Variants in CRB1 observed in about 807,000 individuals in gnomAD.
CRB1 encodes the protein crumbs cell polarity complex component 1, also known as protein crumbs homolog 1.
In CRB1, 83 loss-of-function variants were observed where a neutral mutation model predicts 120.0. The observed-to-expected ratio is 0.69, with a 90% CI of 0.58 to 0.83. The LOEUF is 0.83. CRB1 is among the 40% of genes least tolerant of loss of function. The probability of loss-of-function intolerance (pLI) is 0.00; values close to 1 mark genes in which losing one functional copy is unlikely to be tolerated. For missense variants in CRB1, 1,699 were observed against 1,687.6 expected (o/e 1.01, Z -0.12); for synonymous variants, 625 against 612.5 (o/e 1.02, Z -0.30).
At chr1:197,431,500 A>T (rs891419877) in intron 8 of CRB1, among the ~76,000 whole-genome samples, 19 of 152,204 alleles carry the variant, frequency 1.2e-4, no homozygotes, top group African/African-American at 4.3e-4. Context: ...TGATCTTTTG[A>T]TAGAAATACT....
intron 11 of CRB1, among the ~76,000 whole-genome samples, chr1:197,462,739 G>A (rs183306429): frequency 1.3e-4 from 20 of 152,230 alleles, no homozygotes; most frequent in Non-Finnish European, 2.2e-4. Context: ...GTAGTCAAAC[G>A]TAATCTAAGC....
chr1:197,229,295 C>T, the CRB1 span, among the ~76,000 whole-genome samples: 146,286 of 152,308 alleles, frequency 0.96, 70,301 homozygotes, highest in East Asian at 1. Context: ...ATGAGATTAG[C>T]AACATGATAT....
At chr1:197,372,848 C>T (rs1323156538) in intron 5 of CRB1, among the ~76,000 whole-genome samples, 1 of 152,122 alleles carries the variant, frequency 6.6e-6, no homozygotes, top group African/African-American at 2.4e-5. Flanking sequence ...TTAGGACCAG[C>T]CAAGTTTGCA....
At chr1:197,371,130 T>A (rs558090287) in intron 5 of CRB1, among the ~76,000 whole-genome samples, 11 of 152,306 alleles carry the variant, frequency 7.2e-5, no homozygotes, top group African/African-American at 2.6e-4. Context: ...TTGCCTCACT[T>A]ACCTTCTGTC....
chr1:197,351,187 CAAAAAAAAAAA>C (rs780090689), intron 4 of CRB1, among the ~76,000 whole-genome samples: 1 of 85,390 alleles, frequency 1.2e-5, no homozygotes. Flanking sequence ...ACTAAAAATA[CAAAAAAAAAAA>C]AAAAAAAAAA....
chr1:197,284,784 T>C (rs1420095323), intron 1 of CRB1, among the ~76,000 whole-genome samples: 1 of 151,436 alleles, frequency 6.6e-6, no homozygotes, highest in Non-Finnish European at 1.5e-5. Context: ...AATTGACAAA[T>C]AAAGTGCATA....
At chr1:197,368,167 T>C (rs1393574183) in intron 5 of CRB1, among the ~76,000 whole-genome samples, 2 of 152,236 alleles carry the variant, frequency 1.3e-5, no homozygotes, top group Non-Finnish European at 2.9e-5. Flanking sequence ...TTTTTTCATT[T>C]GCTGACTTCA....
In CRB1 at chr1:197,453,240, T is replaced by C. The variant is rs1666054256; in HGVS notation, c.4005+10948T>C. ...AGGGGGAAGTGGAAATGGGGAGATG[T>C]CATTAAATAAGTATGTGTGTATACT... On this transcript the variant is annotated intron_variant, in intron 11 of 11. Coordinates refer to ENST00000367400, the MANE Select transcript of CRB1 (RefSeq NM_201253.3). 2.7e-5 allele frequency among the ~76,000 whole-genome samples: 4 copies of C among 149,114 alleles called. No individual in the cohort carries two copies. In the South Asian group the frequency reaches 8.4e-4, roughly 31 times the overall value.
intron 4 of CRB1, among the ~76,000 whole-genome samples, chr1:197,351,696 G>A (rs755909279): frequency 4.6e-5 from 7 of 152,158 alleles, no homozygotes; most frequent in East Asian, 3.9e-4. Flanking sequence ...CTGTTTGCTA[G>A]AACGAAGACA....
chr1:197,279,514 A>AT (rs976640287), intron 1 of CRB1, among the ~76,000 whole-genome samples: 2 of 148,294 alleles, frequency 1.3e-5, no homozygotes, highest in East Asian at 2.0e-4. Context: ...ATTATATCAA[A>AT]TTTTTTTTTG....
chr1:197,347,278 T>G lies in CRB1; in HGVS notation c.849-62T>G, dbSNP rs1572514. 0.12 allele frequency: 177,096 copies of G among 1,449,296 alleles called. 20,324 individuals are homozygous for G. The highest frequency in any genetic ancestry group is 0.6 in the African/African-American group (42,739 of 71,722). 89.8% of individuals were successfully genotyped at this position (1,449,296 alleles called of 1,614,324 possible). Reference sequence around the variant, plus strand: ...GGTTGATAGACAGTTGAAGAAACAGTATAAAGATATCTGATCTCAATATGA... The same window carrying G: ...GGTTGATAGACAGTTGAAGAAACAGGATAAAGATATCTGATCTCAATATGA... On this transcript the variant is annotated intron_variant, in intron 3 of 11. Transcript: ENST00000367400.
the CRB1 span, among the ~76,000 whole-genome samples, chr1:197,251,260 A>T: frequency 1.3e-5 from 2 of 152,044 alleles, no homozygotes; most frequent in Non-Finnish European, 2.9e-5. Flanking sequence ...AATATATAAA[A>T]TACTTAAAGC....
chr1:197,288,321 T>C (rs1655955222), intron 1 of CRB1, among the ~76,000 whole-genome samples: 1 of 151,866 alleles, frequency 6.6e-6, no homozygotes, highest in East Asian at 1.9e-4. Flanking sequence ...TCATGATTTA[T>C]GAAACATTTG....
At chr1:197,225,538 T>G in the CRB1 span, among the ~76,000 whole-genome samples, 2 of 152,198 alleles carry the variant, frequency 1.3e-5, no homozygotes, top group African/African-American at 2.4e-5. Flanking sequence ...TCTCAGATAT[T>G]AATGGCCACA....
intron 11 of CRB1, chr1:197,444,239 G>C (rs1040593780): frequency 6.6e-6 from 1 of 152,188 alleles, no homozygotes; most frequent in Non-Finnish European, 1.5e-5. Flanking sequence ...TCTTGCAATA[G>C]TAATAGACAA....
chr1:197,453,964 T>A (rs1164090989), intron 11 of CRB1, among the ~76,000 whole-genome samples: 1 of 123,572 alleles, frequency 8.1e-6, no homozygotes, highest in Non-Finnish European at 1.6e-5. Context: ...TATTATTATA[T>A]TATTAATAAT....
chr1:197,476,360 ATTTGTG>A (rs1007054617), intron 11 of CRB1, among the ~76,000 whole-genome samples: 5 of 128,926 alleles, frequency 3.9e-5, no homozygotes, highest in African/African-American at 1.2e-4. Flanking sequence ...TATTATGATT[ATTTGTG>A]TGTGTGTGTG....
intron 5 of CRB1, among the ~76,000 whole-genome samples, chr1:197,420,551 T>C (rs1455181674): frequency 1.3e-5 from 2 of 152,176 alleles, no homozygotes; most frequent in African/African-American, 2.4e-5. Flanking sequence ...ATAAACAAGA[T>C]ATAAGGCAAA....
chr1:197,442,494 T>C, intron 11 of CRB1: 1 of 1,482,876 alleles, frequency 6.7e-7, no homozygotes, highest in Non-Finnish European at 8.9e-7. Flanking sequence ...TTTAGATCTC[T>C]GGGGAAGAAA....
Sources: gnomAD v4.1 joint callset for allele counts (sites outside exome capture counted in the v4.1 genomes callset) on GRCh38, gnomAD v4.1.1 for gene constraint, MANE v1.5 for transcripts, NCBI Gene and HGNC (gene_info 2026-07-23, HGNC 2026-07-21) for gene names.